The following FCAR variants were observed in gnomAD, a reference collection of about 807,000 sequenced individuals.
FCAR encodes Fc alpha receptor.
FCAR carries 21 observed loss-of-function variants against 27.1 expected under a neutral mutation model. The ratio of observed to expected loss-of-function variants is 0.77; its 90% confidence interval spans 0.55 to 1.11. The LOEUF is 1.11. FCAR is among the 50% of genes most tolerant of loss of function. The probability of loss-of-function intolerance (pLI) is 0.00; values close to 1 mark genes in which losing one functional copy is unlikely to be tolerated. For synonymous variants in FCAR, 134 were observed against 135.8 expected (o/e 0.99, Z 0.09); for missense variants, 404 against 358.4 (o/e 1.13, Z -1.03).
At chr19:54,882,287 A>C (rs1441358229) in intron 2 of FCAR, among the ~76,000 whole-genome samples, 1 of 152,196 alleles carries the variant, frequency 6.6e-6, no homozygotes, top group African/African-American at 2.4e-5. Flanking sequence ...ATTGTGTTTC[A>C]AATTTCTCCT....
chr19:54,888,446 A>G, intron 4 of FCAR, 152 bp downstream of exon 4: 2 of 1,435,834 alleles, frequency 1.4e-6, no homozygotes, highest in South Asian at 1.5e-5. Context: ...TCCCCACCAC[A>G]CTTTCCGCTT....
Position 54,889,921 on chromosome 19 carries a change from G to C in FCAR, c.*58G>C. ...ACTGTGGAGTCCGACAAAGCTACTTGAAGGACACAAGAGAGAAAAGCTCAC... is the reference window on the plus strand; with the variant it reads ...ACTGTGGAGTCCGACAAAGCTACTTCAAGGACACAAGAGAGAAAAGCTCAC... On this transcript the variant is annotated 3_prime_UTR_variant, in exon 5 of 5. Coordinates refer to ENST00000355524, the MANE Select transcript of FCAR (RefSeq NM_002000.4). 1 of 1,256,040 alleles carries C rather than the reference G, an allele frequency of 8.0e-7. No individual in the cohort carries two copies. Among genetic ancestry groups the C allele is most frequent in the Non-Finnish European group, 1.1e-6 (1 of 875,356 alleles). The allele number at this position is 1,256,040 out of a possible 1,614,324, so 77.8% of individuals were successfully genotyped here.
intron 2 of FCAR, among the ~76,000 whole-genome samples, chr19:54,877,776 G>T (rs1468443469): frequency 1.3e-5 from 2 of 152,124 alleles, no homozygotes; most frequent in Non-Finnish European, 2.9e-5. Context: ...GTGTCCCAGA[G>T]ATTCTGCTAT....
chr19:54,879,145 A>G (rs7257926), intron 2 of FCAR, among the ~76,000 whole-genome samples: 129,409 of 152,028 alleles, frequency 0.85, 55,373 homozygotes, highest in East Asian at 1. Flanking sequence ...CCAAAGTGCC[A>G]GGGTTACAGG....
chr19:54,889,769 A>C lies in FCAR; in HGVS notation c.770A>C (p.Lys257Thr). 6.2e-7 allele frequency: 1 copy of C among 1,614,014 alleles called. No individual in the cohort carries two copies. The highest frequency in any genetic ancestry group is 8.5e-7 in the Non-Finnish European group (1 of 1,180,024). Reference protein sequence around the residue: ...ENWHSHTALNKEASADVAEPS... With the variant: ...ENWHSHTALNTEASADVAEPS... ...TGGCACAGCCATACGGCACTGAACA[A>C]GGAAGCCTCGGCAGATGTGGCTGAA... is the stretch of plus-strand genomic sequence containing the variant. Residue 257 changes from lysine (K) to threonine (T), a missense_variant, in exon 5 of 5, where the codon AAG becomes ACG. Physicochemically the swap from Lys to Thr is moderately conservative, Grantham distance 78. Transcript: ENST00000355524.
intron 2 of FCAR, among the ~76,000 whole-genome samples, chr19:54,876,439 A>C (rs1286023513): frequency 6.6e-6 from 1 of 152,170 alleles, no homozygotes; most frequent in African/African-American, 2.4e-5. Flanking sequence ...GCTTTTGCCC[A>C]TTCAATATGA....
In FCAR at chr19:54,882,040, GGAGCCACTCCCCAGGGAAACAC is replaced by G. The variant is rs587687837; in HGVS notation, c.71-3187_71-3166del. ...GCAGAGGGGCTGTCAGTTGCCTCTG[GGAGCCACTCCCCAGGGAAACAC>G]GAGCCACCACCAGTGAGTGTGCTGA... On this transcript the variant is annotated intron_variant, in intron 2 of 4. Transcript: ENST00000355524. Among the ~76,000 whole-genome samples, 55 of 152,346 alleles carry G rather than the reference GGAGCCACTCCCCAGGGAAACAC, an allele frequency of 3.6e-4. No homozygotes were observed. The East Asian group carries it at 0.011, about 29-fold the overall frequency.
At chr19:54,881,420 A>G (rs1178510521) in intron 2 of FCAR, among the ~76,000 whole-genome samples, 1 of 152,116 alleles carries the variant, frequency 6.6e-6, no homozygotes, top group Admixed American at 6.6e-5. Flanking sequence ...GCTCCGCCAC[A>G]GAGAAACGCA....
rs1556707254 is a variant in FCAR, at chr19:54,882,423, CTTTTTTTTTTTTCT to C, written c.71-2802_71-2789del. ...AGTTGCCAGAGTTCTTGTGTTGATT[CTTTTTTTTTTTTCT>C]TTTTTTTTTCTTTTTTGTGGCAGAG... On this transcript the variant is annotated intron_variant, in intron 2 of 4. Transcript: ENST00000355524. Among the ~76,000 whole-genome samples the C allele has an allele frequency of 8.6e-5, 6 of 69,544 alleles. No individual in the cohort carries two copies. The South Asian group carries it at 3.4e-3, about 39-fold the overall frequency. 45.6% of individuals were successfully genotyped at this position (69,544 alleles called of 152,430 possible). A position where few individuals can be genotyped will look rare whatever the true frequency, so the allele number is the denominator to read the frequency against.
In FCAR at chr19:54,888,372, G is replaced by A. The variant is rs201193252; in HGVS notation, c.649+78G>A. 87 of 1,560,480 alleles carry A rather than the reference G, an allele frequency of 5.6e-5. 1 individual carries two copies. In the East Asian group the frequency reaches 2.1e-3, roughly 37 times the overall value. On this transcript the variant is annotated intron_variant, in intron 4 of 4. Transcript: ENST00000355524. ...CCACCGGGCAGGAATATGAAGACGT[G>A]CACTGAGAGTGAAGTGAAGAGAGGC...
intron 3 of FCAR, among the ~76,000 whole-genome samples, chr19:54,886,296 T>A (rs913511722): frequency 1.1e-5 from 1 of 88,290 alleles, no homozygotes; most frequent in Non-Finnish European, 2.0e-5. Flanking sequence ...GTGTCATGTA[T>A]CTTTATTTTT....
intron 3 of FCAR, 99 bp from the exon 4 acceptor site, chr19:54,887,908 A>C: frequency 2.1e-6 from 2 of 963,754 alleles, no homozygotes; most frequent in Non-Finnish European, 2.9e-6. Flanking sequence ...TAAGAGCGAA[A>C]CTCCATCTCA....
chr19:54,886,369 C>T (rs1359371079), intron 3 of FCAR, among the ~76,000 whole-genome samples: 3 of 123,518 alleles, frequency 2.4e-5, no homozygotes, highest in Non-Finnish European at 4.8e-5. Flanking sequence ...TGCAGTGGCA[C>T]AATCTCGGCT....
intron 3 of FCAR, 130 bp downstream of exon 3, chr19:54,885,655 C>T (rs763848253): frequency 3.0e-6 from 2 of 659,830 alleles, no homozygotes; most frequent in Non-Finnish European, 5.1e-6. Context: ...TCTCAGCCAT[C>T]TGGCACCCCA....
intron 2 of FCAR, among the ~76,000 whole-genome samples, chr19:54,881,963 G>T (rs769837693): frequency 6.6e-6 from 1 of 152,204 alleles, no homozygotes; most frequent in African/African-American, 2.4e-5. Flanking sequence ...CAGGCTCCTT[G>T]CTTCTTCCCC....
intron 2 of FCAR, among the ~76,000 whole-genome samples, chr19:54,883,818 G>A (rs924421332): frequency 5.9e-5 from 9 of 152,048 alleles, no homozygotes; most frequent in African/African-American, 1.7e-4. Flanking sequence ...TTAGCCAGGC[G>A]TGGTGGCGGG....
chr19:54,889,939 A>G lies in FCAR; in HGVS notation c.*76A>G. ...GCTACTTGAAGGACACAAGAGAGAA[A>G]AGCTCACTAAGAAGCTTGAATCTAC... On this transcript the variant is annotated 3_prime_UTR_variant, in exon 5 of 5. Transcript: ENST00000355524. 2 of 1,087,650 alleles carry G rather than the reference A, an allele frequency of 1.8e-6. No homozygotes were observed. Among genetic ancestry groups the G allele is most frequent in the Non-Finnish European group, 2.7e-6 (2 of 741,004 alleles). 67.4% of individuals were successfully genotyped at this position (1,087,650 alleles called of 1,614,324 possible). A position where few individuals can be genotyped will look rare whatever the true frequency, so the allele number is the denominator to read the frequency against.
intron 2 of FCAR, among the ~76,000 whole-genome samples, chr19:54,882,091 C>T (rs1156531615): frequency 3.9e-5 from 6 of 152,078 alleles, no homozygotes; most frequent in Admixed American, 1.3e-4. Context: ...GTGCTGAGGG[C>T]GGGGCAGCTG....
chr19:54,890,256 A>T lies in FCAR; in HGVS notation c.*393A>T. Reference sequence around the variant, plus strand: ...GGCATGAGCCACCACGCCTGGCCAGATGCATGTTCAAACCAATCAAATGGT... The same window carrying T: ...GGCATGAGCCACCACGCCTGGCCAGTTGCATGTTCAAACCAATCAAATGGT... On this transcript the variant is annotated 3_prime_UTR_variant, in exon 5 of 5. Transcript: ENST00000355524. 4.2e-6 allele frequency: 1 copy of T among 239,374 alleles called. No individual in the cohort carries two copies. The highest frequency in any genetic ancestry group is 8.2e-6 in the Non-Finnish European group (1 of 121,838). 14.8% of individuals were successfully genotyped at this position (239,374 alleles called of 1,614,324 possible).
Sources: gnomAD v4.1 joint callset for allele counts (sites outside exome capture counted in the v4.1 genomes callset) on GRCh38, gnomAD v4.1.1 for gene constraint, MANE v1.5 for transcripts, NCBI Gene and HGNC (gene_info 2026-07-23, HGNC 2026-07-21) for gene names.